VAT1L: variants seen among roughly 807,000 people sequenced by gnomAD.
The protein encoded by VAT1L is vesicle amine transport 1 like.
Under a neutral mutation model 44.1 loss-of-function variants are expected in VAT1L, and 34 were observed. The observed-to-expected ratio is 0.77, with a 90% CI of 0.59 to 1.03. The LOEUF (loss-of-function observed/expected upper bound fraction) is 1.03. Among genes scored for constraint, VAT1L ranks in the 50% least tolerant of loss-of-function variants. The pLI, the probability that VAT1L is intolerant of heterozygous loss-of-function variation, is 0.00. For synonymous variants in VAT1L, 253 were observed against 202.2 expected, an observed-to-expected ratio of 1.25 and a Z score of -2.13; for missense variants, 615 against 538.8, an observed-to-expected ratio of 1.14 and a Z score of -1.40.
intron 1 of VAT1L, among the ~76,000 whole-genome samples, chr16:77,789,459 G>A (rs2015792696): frequency 6.6e-6 from 1 of 152,178 alleles, no homozygotes; most frequent in Non-Finnish European, 1.5e-5. Context: ...AAGTGGCTTG[G>A]CCGGGAATTT....
At chr16:77,932,206 C>A (rs1217959820) in intron 7 of VAT1L, among the ~76,000 whole-genome samples, 1 of 149,394 alleles carries the variant, frequency 6.7e-6, no homozygotes, top group Non-Finnish European at 1.5e-5. Flanking sequence ...TGGGTTCAGG[C>A]CATTCTCCTG....
At chr16:77,914,794 G>C (rs1031399871) in intron 7 of VAT1L, among the ~76,000 whole-genome samples, 27 of 152,318 alleles carry the variant, frequency 1.8e-4, no homozygotes, top group African/African-American at 5.3e-4. Flanking sequence ...TCAAATATCA[G>C]TCACATATCA....
At chr16:77,875,520 A>G (rs912457517) in intron 4 of VAT1L, among the ~76,000 whole-genome samples, 1 of 152,196 alleles carries the variant, frequency 6.6e-6, no homozygotes, top group Non-Finnish European at 1.5e-5. Flanking sequence ...CAATCTCCAG[A>G]GTCTTCCTGT....
At position 77,825,597 on chromosome 16, in the gene VAT1L, A is replaced by G. The variant is rs991085448; in HGVS notation, c.579+136A>G. 2.2e-5 allele frequency: 22 copies of G among 1,012,142 alleles called. No individual in the cohort carries two copies. The African/African-American group carries it at 3.2e-4, about 15-fold the overall frequency. The allele number at this position is 1,012,142 out of a possible 1,614,324, so 62.7% of individuals were successfully genotyped here. On this transcript the variant is annotated intron_variant, in intron 3 of 8. Transcript: ENST00000302536. ...TGGTTCTGGTAGAGTTCACATGGAC[A>G]GCAAAGCCCATATAGATGATTGCAT...
chr16:77,962,785 A>AAGGAAGGAAG (rs2018178018), intron 7 of VAT1L, among the ~76,000 whole-genome samples: 1 of 151,976 alleles, frequency 6.6e-6, no homozygotes, highest in Non-Finnish European at 1.5e-5. Context: ...GGAAAGAAAG[A>AAGGAAGGAAG]GAAAAGAAAA....
intron 7 of VAT1L, among the ~76,000 whole-genome samples, chr16:77,948,118 T>C (rs2017993046): frequency 6.6e-6 from 1 of 152,152 alleles, no homozygotes; most frequent in Admixed American, 6.5e-5. Flanking sequence ...AGTAATTTCC[T>C]CCACTGGACT....
chr16:77,795,895 G>T (rs1017864067), intron 1 of VAT1L, among the ~76,000 whole-genome samples: 1 of 137,644 alleles, frequency 7.3e-6, no homozygotes, highest in African/African-American at 2.7e-5. Flanking sequence ...GCGCAATTTC[G>T]GCTCACTGCA....
chr16:77,856,573 C>G (rs2016861480), intron 3 of VAT1L, among the ~76,000 whole-genome samples: 2 of 152,216 alleles, frequency 1.3e-5, no homozygotes, highest in Admixed American at 6.5e-5. Flanking sequence ...TTGCTTTAAA[C>G]TGCCAGTCTG....
chr16:77,883,960 A>G (rs760923836), intron 6 of VAT1L, among the ~76,000 whole-genome samples: 2 of 152,094 alleles, frequency 1.3e-5, no homozygotes, highest in African/African-American at 4.8e-5. Context: ...CACTGAGCCA[A>G]GTGCTTTATA....
At chr16:77,905,040 G>C (rs983272154) in intron 7 of VAT1L, among the ~76,000 whole-genome samples, 2 of 152,178 alleles carry the variant, frequency 1.3e-5, no homozygotes, top group African/African-American at 2.4e-5. Context: ...TCAACAAGGA[G>C]AGAGGTTCCT....
In VAT1L at chr16:77,934,731, A is replaced by G. The variant is rs138445609; in HGVS notation, c.1078-37119A>G. Among the ~76,000 whole-genome samples the G allele has an allele frequency of 2.1e-3, 322 of 152,324 alleles. 1 individual carries two copies. The highest frequency in any genetic ancestry group is 7.2e-3 in the African/African-American group (300 of 41,578). ...CAAACTAGGAGTTAGAGCAGAGAAC[A>G]GAGGGAGACAGGGTAGGTTTACTGT... On this transcript the variant is annotated intron_variant, in intron 7 of 8. Transcript: ENST00000302536.
At chr16:77,940,586 G>A (rs569265605) in intron 7 of VAT1L, among the ~76,000 whole-genome samples, 11 of 151,864 alleles carry the variant, frequency 7.2e-5, no homozygotes, top group African/African-American at 9.7e-5. Flanking sequence ...CACGTGATCC[G>A]CCCGCCTCAG....
chr16:77,919,916 A>G (rs537827572), intron 7 of VAT1L, among the ~76,000 whole-genome samples: 89 of 152,144 alleles, frequency 5.8e-4, no homozygotes, highest in African/African-American at 1.9e-3. Context: ...GTGAAACCCC[A>G]TCTCTACTAA....
chr16:77,934,891 G>A (rs2017774752), intron 7 of VAT1L, among the ~76,000 whole-genome samples: 1 of 152,168 alleles, frequency 6.6e-6, no homozygotes, highest in Non-Finnish European at 1.5e-5. Context: ...GGCCCGGTCT[G>A]GTGGATGAAT....
intron 1 of VAT1L, among the ~76,000 whole-genome samples, chr16:77,796,154 G>T (rs1318305191): frequency 6.6e-6 from 1 of 152,090 alleles, no homozygotes; most frequent in African/African-American, 2.4e-5. Context: ...AGTCTTATTT[G>T]CTTTACTTAC....
chr16:77,808,566 A>G (rs781075178), intron 1 of VAT1L, among the ~76,000 whole-genome samples: 4 of 151,910 alleles, frequency 2.6e-5, no homozygotes, highest in East Asian at 1.9e-4. Context: ...ACCACTTGTC[A>G]TCGTACAGTG....
intron 4 of VAT1L, among the ~76,000 whole-genome samples, chr16:77,871,225 A>T (rs1247228567): frequency 6.6e-6 from 1 of 151,302 alleles, no homozygotes; most frequent in Non-Finnish European, 1.5e-5. Flanking sequence ...CACCTCCCCT[A>T]CCTCCTCCCA....
intron 8 of VAT1L, 81 bp downstream of exon 8, chr16:77,972,014 AGAAG>A: frequency 7.3e-7 from 1 of 1,377,384 alleles, no homozygotes; most frequent in Non-Finnish European, 1.0e-6. Flanking sequence ...CGGGTGGGGT[AGAAG>A]GAAGTACAGG....
chr16:77,788,954 C>A, intron 1 of VAT1L, 39 bp downstream of exon 1: 1 of 1,437,952 alleles, frequency 7.0e-7, no homozygotes, highest in Non-Finnish European at 9.1e-7. Flanking sequence ...TCTCTTTTTG[C>A]GCGCTGGGCG....
Sources: allele counts gnomAD v4.1 joint callset (sites outside exome capture counted in the v4.1 genomes callset), GRCh38; gene constraint gnomAD v4.1.1; transcripts MANE v1.5; gene names NCBI Gene and HGNC (gene_info 2026-07-23, HGNC 2026-07-21).